The following PDZD2 variants were observed in gnomAD, a reference collection of about 807,000 sequenced individuals.
The protein encoded by PDZD2 is PDZ domain-containing protein 2.
In PDZD2, 90 loss-of-function variants were observed where a neutral mutation model predicts 220.7. The ratio of observed to expected loss-of-function variants is 0.41; its 90% CI spans 0.34 to 0.49. The LOEUF (loss-of-function observed/expected upper bound fraction) is 0.49, where lower values mean the gene tolerates loss of function less well. Ranked by LOEUF, PDZD2 falls within the 20% of genes least tolerant of loss-of-function variation. PDZD2 has a pLI of 0.28. For missense variants in PDZD2, 3,174 were observed against 3,608.5 expected (o/e 0.88, Z 3.08); for synonymous variants, 1,375 against 1,450.5 (o/e 0.95, Z 1.18).
At position 32,061,276 on chromosome 5, in the gene PDZD2, C is replaced by A. The variant is rs970992668; in HGVS notation, c.2451+142C>A. ...TTCATGTGGGAAATGAATCTCTAAT[C>A]TGGACTTTGTCTTCACAGTCTTAGA... On this transcript the variant is annotated intron_variant, in intron 14 of 24. Transcript: ENST00000438447. The A allele has an allele frequency of 1.0e-5, 7 of 670,104 alleles. No homozygotes were observed. In the African/African-American group the frequency reaches 1.3e-4, roughly 12 times the overall value. The allele number at this position is 670,104 out of a possible 1,614,324, so 41.5% of individuals were successfully genotyped here.
At chr5:31,970,334 A>T (rs2111775129) in intron 2 of PDZD2, among the ~76,000 whole-genome samples, 1 of 152,286 alleles carries the variant, frequency 6.6e-6, no homozygotes, top group South Asian at 2.1e-4. Flanking sequence ...ACTGGCAAGG[A>T]TTATAAAGAG....
chr5:31,899,893 G>T (rs1741924482), intron 2 of PDZD2, among the ~76,000 whole-genome samples: 1 of 152,146 alleles, frequency 6.6e-6, no homozygotes, highest in East Asian at 1.9e-4. Context: ...CAACCCGCCG[G>T]GGCCTTGATC....
At chr5:31,879,672 A>G (rs1431394510) in intron 2 of PDZD2, among the ~76,000 whole-genome samples, 2 of 152,028 alleles carry the variant, frequency 1.3e-5, no homozygotes, top group East Asian at 3.9e-4. Context: ...TTTCCTGTGC[A>G]GCAGCCTTCA....
intron 18 of PDZD2, among the ~76,000 whole-genome samples, chr5:32,075,106 C>A (rs1199132748): frequency 6.6e-6 from 1 of 152,158 alleles, no homozygotes; most frequent in Non-Finnish European, 1.5e-5. Flanking sequence ...GCCACCGCAC[C>A]CAGCCTAGGG....
intron 6 of PDZD2, among the ~76,000 whole-genome samples, chr5:32,025,301 G>A (rs1210003237): frequency 3.3e-5 from 5 of 152,022 alleles, no homozygotes; most frequent in East Asian, 1.9e-4. Flanking sequence ...TGAGGAGGGC[G>A]GATCACCTGA....
intron 1 of PDZD2, among the ~76,000 whole-genome samples, chr5:31,688,708 CT>C (rs1340270864): frequency 6.6e-6 from 1 of 152,172 alleles, no homozygotes; most frequent in Non-Finnish European, 1.5e-5. Context: ...CTTGGAGGTG[CT>C]GATTACCTCC....
At chr5:31,956,565 A>T (rs1304414332) in intron 2 of PDZD2, among the ~76,000 whole-genome samples, 8 of 147,556 alleles carry the variant, frequency 5.4e-5, no homozygotes, top group Non-Finnish European at 7.5e-5. Context: ...AAAAATAAAT[A>T]AAATAAATAA....
chr5:31,648,945 G>A (rs1427252444), intron 1 of PDZD2, among the ~76,000 whole-genome samples: 1 of 152,150 alleles, frequency 6.6e-6, no homozygotes. Context: ...GTAATGTCAT[G>A]TATCCACCAT....
At chr5:31,893,477 C>T (rs536024990) in intron 2 of PDZD2, among the ~76,000 whole-genome samples, 2 of 152,108 alleles carry the variant, frequency 1.3e-5, no homozygotes, top group Admixed American at 1.3e-4. Flanking sequence ...GGCTGAGGCA[C>T]GAGAATCACT....
intron 2 of PDZD2, among the ~76,000 whole-genome samples, chr5:31,799,940 A>G (rs1029123330): frequency 2.6e-5 from 4 of 152,158 alleles, no homozygotes; most frequent in Non-Finnish European, 4.4e-5. Context: ...TGCCTATCCC[A>G]TATCACCTTA....
chr5:31,942,307 A>G (rs1399920626), intron 2 of PDZD2, among the ~76,000 whole-genome samples: 1 of 152,114 alleles, frequency 6.6e-6, no homozygotes, highest in Non-Finnish European at 1.5e-5. Context: ...CAAGGTTTAG[A>G]GATGTATTTT....
intron 1 of PDZD2, among the ~76,000 whole-genome samples, chr5:31,701,282 C>T (rs1747600686): frequency 1.3e-5 from 2 of 152,172 alleles, no homozygotes; most frequent in Non-Finnish European, 2.9e-5. Flanking sequence ...CTGCAACCTC[C>T]ACCTCCTGGG....
intron 1 of PDZD2, among the ~76,000 whole-genome samples, chr5:31,681,890 G>A (rs887562573): frequency 1.3e-5 from 2 of 152,052 alleles, no homozygotes; most frequent in African/African-American, 4.8e-5. Flanking sequence ...GGAATAATAC[G>A]TTTAAAAGAA....
chr5:31,825,241 T>C (rs1469639284), intron 2 of PDZD2, among the ~76,000 whole-genome samples: 4 of 152,136 alleles, frequency 2.6e-5, no homozygotes, highest in African/African-American at 9.7e-5. Flanking sequence ...TGGATTCATG[T>C]CCAGAAAGAG....
intron 1 of PDZD2, among the ~76,000 whole-genome samples, chr5:31,649,498 T>TG (rs1745261098): frequency 2.6e-5 from 4 of 151,922 alleles, no homozygotes; most frequent in African/African-American, 9.7e-5. Flanking sequence ...TGAAATAAAA[T>TG]ATTTGATTTA....
At chr5:32,015,713 C>T (rs568968491) in intron 6 of PDZD2, among the ~76,000 whole-genome samples, 1 of 152,216 alleles carries the variant, frequency 6.6e-6, no homozygotes, top group Non-Finnish European at 1.5e-5. Flanking sequence ...AGAGATTTTT[C>T]ATGAGAAAAA....
In PDZD2 at chr5:32,010,461, C is replaced by G. The variant is rs770561930; in HGVS notation, c.1386C>G (p.Thr462=). The change falls in exon 6 of 25, where the codon ACC becomes ACG. Residue 462 remains threonine, a synonymous_variant. Transcript: ENST00000438447. ...CAGACGGGGAAGAGGACGAAGGAAC[C>G]AGCTCTTCTGTCCAGAGAGCAGTAA... ...QEADGEEDEG[T]SSSVQRAMPG... 6.2e-7 allele frequency: 1 copy of G among 1,612,516 alleles called. No homozygotes were observed. The highest frequency in any genetic ancestry group is 1.1e-5 in the South Asian group (1 of 90,986).
intron 2 of PDZD2, among the ~76,000 whole-genome samples, chr5:31,897,918 T>C (rs1741719172): frequency 6.6e-6 from 1 of 152,130 alleles, no homozygotes; most frequent in African/African-American, 2.4e-5. Flanking sequence ...TTTGTATTTT[T>C]ATTTTTTGGC....
chr5:31,746,895 G>A (rs1346489784), intron 1 of PDZD2, among the ~76,000 whole-genome samples: 4 of 152,246 alleles, frequency 2.6e-5, no homozygotes, highest in Non-Finnish European at 5.9e-5. Flanking sequence ...TAGGTCATGC[G>A]CTGGGCGTGG....
Sources: allele counts gnomAD v4.1 joint callset (sites outside exome capture counted in the v4.1 genomes callset), GRCh38; gene constraint gnomAD v4.1.1; transcripts MANE v1.5; gene names NCBI Gene and HGNC (gene_info 2026-07-23, HGNC 2026-07-21).